GPM6B: variants seen among roughly 807,000 people sequenced by gnomAD.
GPM6B encodes the protein neuronal membrane glycoprotein M6-b.
A neutral mutation model predicts 27.2 loss-of-function variants in GPM6B; 4 were observed. That is an observed-to-expected ratio of 0.15 (90% confidence interval 0.07 to 0.34). The LOEUF (loss-of-function observed/expected upper bound fraction) is 0.34, where lower values mean the gene tolerates loss of function less well. GPM6B is among the 10% of genes least tolerant of loss of function. The pLI is 1.00. For missense variants in GPM6B, 183 were observed against 261.9 expected, an observed-to-expected ratio of 0.70 and a Z score of 2.08; for synonymous variants, 124 against 103.1, an observed-to-expected ratio of 1.20 and a Z score of -1.23.
upstream of GPM6B, chrX:13,938,497 G>T: frequency 1.1e-6 from 1 of 950,650 alleles, no homozygotes; most frequent in Non-Finnish European, 1.3e-6. Context: ...CAGCCAGCGC[G>T]CTCGCTTACC....
chrX:13,897,086 CTTGTG>C (rs2050240648), intron 1 of GPM6B, among the ~76,000 whole-genome samples: 1 of 112,428 alleles, frequency 8.9e-6, no homozygotes, highest in East Asian at 2.8e-4. Flanking sequence ...TCTGTGTTTG[CTTGTG>C]TTAAGTATAT....
chrX:13,888,903 T>C (rs1264625547), intron 1 of GPM6B: 1 of 112,017 alleles, frequency 8.9e-6, no homozygotes, highest in South Asian at 3.7e-4. Flanking sequence ...AACAGCTCTC[T>C]AGGCCAACTA....
At chrX:13,849,374 T>C (rs16999075) in intron 1 of GPM6B, among the ~76,000 whole-genome samples, 5,125 of 112,467 alleles carry the variant, frequency 0.046, 303 homozygotes, top group African/African-American at 0.15. Context: ...CCCTGTCCCA[T>C]CCATTTTGAC....
At position 13,783,691 on chromosome X, in the gene GPM6B, G is replaced by T. The variant is rs975037398; in HGVS notation, c.369-170C>A. 16 of 468,779 alleles carry T rather than the reference G, an allele frequency of 3.4e-5. No homozygotes were observed. In the African/African-American group the frequency reaches 3.6e-4, roughly 10 times the overall value. 38.6% of individuals were successfully genotyped at this position (468,779 alleles called of 1,213,427 possible). A position where few individuals can be genotyped will look rare whatever the true frequency, so the allele number is the denominator to read the frequency against. ...CATCCTGGGCGGCATCCCTGCCCAT[G>T]TCCCAGCAACCTGGGCCTTCCTTCC... is the stretch of plus-strand genomic sequence containing the variant. On this transcript the variant is annotated intron_variant, in intron 3 of 7. Transcript: ENST00000316715.
intron 1 of GPM6B, among the ~76,000 whole-genome samples, chrX:13,866,621 A>C (rs1256814640): frequency 9.0e-6 from 1 of 111,641 alleles, no homozygotes; most frequent in Admixed American, 9.5e-5. Flanking sequence ...AAATATGTAC[A>C]ATTATTACAT....
intron 1 of GPM6B, among the ~76,000 whole-genome samples, chrX:13,815,470 A>T (rs751878391): frequency 2.7e-5 from 3 of 109,399 alleles, no homozygotes. Context: ...TTTTTTTTTT[A>T]AAGACACACA....
chrX:13,804,206 C>T (rs1204695782), intron 2 of GPM6B, among the ~76,000 whole-genome samples: 1 of 111,613 alleles, frequency 9.0e-6, no homozygotes, highest in East Asian at 2.8e-4. Context: ...TGGTCCACAG[C>T]CCGCACTTGG....
intron 1 of GPM6B, among the ~76,000 whole-genome samples, chrX:13,837,188 G>T (rs1239848264): frequency 4.7e-5 from 5 of 105,296 alleles, no homozygotes; most frequent in Non-Finnish European, 9.8e-5. Flanking sequence ...AGCTTTGAAG[G>T]GATATGTATC....
Position 13,927,165 on chromosome X carries a change from TA to T in GPM6B, c.-198+11161del, listed in dbSNP as rs11412427. Among the ~76,000 whole-genome samples, 11 of 102,673 alleles carry T rather than the reference TA, an allele frequency of 1.1e-4. No individual in the cohort carries two copies. In the East Asian group the frequency reaches 1.6e-3, roughly 14 times the overall value. 89.2% of individuals were successfully genotyped at this position (102,673 alleles called of 115,157 possible). ...TCAACCTCTCTAGAGAAATTCAACA[TA>T]AAAAAAAAAACAATGAAATACCACT... is the stretch of plus-strand genomic sequence containing the variant. On this transcript the variant is annotated intron_variant, in intron 1 of 6. Transcript: ENST00000398361.
intron 5 of GPM6B, among the ~76,000 whole-genome samples, chrX:13,778,075 A>T (rs747594667): frequency 9.9e-6 from 1 of 101,368 alleles, no homozygotes; most frequent in Non-Finnish European, 2.0e-5. Context: ...TTTTTGAGAC[A>T]GTCTTGCTCT....
intron 2 of GPM6B, among the ~76,000 whole-genome samples, chrX:13,802,518 A>G (rs12010882): frequency 0.034 from 3,615 of 105,149 alleles, 68 homozygotes; most frequent in East Asian, 0.12. Context: ...ACTTATATCG[A>G]TAAGTATTTG....
At chrX:13,898,521 GCAATTT>G (rs1342555296) in intron 1 of GPM6B, among the ~76,000 whole-genome samples, 1 of 112,189 alleles carries the variant, frequency 8.9e-6, no homozygotes, top group Non-Finnish European at 1.9e-5. Context: ...ATGAGAATCT[GCAATTT>G]AACAAGATTC....
At chrX:13,820,125 G>A (rs577785262), upstream of GPM6B, among the ~76,000 whole-genome samples, 5 of 111,674 alleles carry the variant, frequency 4.5e-5, no homozygotes, top group African/African-American at 1.6e-4. Context: ...AGAGCTGATC[G>A]TGCTTTACAA....
intron 1 of GPM6B, among the ~76,000 whole-genome samples, chrX:13,933,836 A>T (rs1007251960): frequency 1.2e-4 from 13 of 112,225 alleles, no homozygotes; most frequent in African/African-American, 4.2e-4. Context: ...GCTGAAAATC[A>T]GAAGCCAATG....
At chrX:13,810,196 T>C (rs1477857155) in intron 1 of GPM6B, among the ~76,000 whole-genome samples, 1 of 111,477 alleles carries the variant, frequency 9.0e-6, no homozygotes, top group Non-Finnish European at 1.9e-5. Flanking sequence ...CTCTCAGAAA[T>C]AGATGTTGCT....
chrX:13,783,723 G>A, intron 3 of GPM6B: 1 of 461,070 alleles, frequency 2.2e-6, no homozygotes, highest in Non-Finnish European at 3.9e-6. Flanking sequence ...TTCCAAGGTG[G>A]GAATGATGTT....
chrX:13,828,065 A>G (rs968287211), intron 1 of GPM6B, among the ~76,000 whole-genome samples: 1 of 111,319 alleles, frequency 9.0e-6, no homozygotes, highest in African/African-American at 3.3e-5. Context: ...CTCATGTCAC[A>G]ATGATCTGAG....
At chrX:13,806,112 ATC>A (rs2049017795) in intron 2 of GPM6B, among the ~76,000 whole-genome samples, 1 of 111,678 alleles carries the variant, frequency 9.0e-6, no homozygotes, top group Non-Finnish European at 1.9e-5. Context: ...CATCGCCACA[ATC>A]TAATTTTAGA....
In GPM6B at chrX:13,782,776, A is replaced by G. The variant is rs920397842; in HGVS notation, c.525+589T>C. 1.4e-3 allele frequency among the ~76,000 whole-genome samples: 144 copies of G among 105,782 alleles called. 2 individuals are homozygous for G. Among genetic ancestry groups the G allele is most frequent in the African/African-American group, 5.1e-3 (143 of 27,963 alleles). The allele number at this position is 105,782 out of a possible 115,157, so 91.9% of individuals were successfully genotyped here. Reference sequence around the variant, plus strand: ...CCGTCTCAAAAAAAAAAAAAAAAGAAAAAAAAAAAAATTCTTGGCTCTTGA... The same window carrying G: ...CCGTCTCAAAAAAAAAAAAAAAAGAGAAAAAAAAAAATTCTTGGCTCTTGA... On this transcript the variant is annotated intron_variant, in intron 4 of 7. Transcript: ENST00000316715.
Sources: allele counts gnomAD v4.1 joint callset (sites outside exome capture counted in the v4.1 genomes callset), GRCh38; gene constraint gnomAD v4.1.1; transcripts MANE v1.5; gene names NCBI Gene and HGNC (gene_info 2026-07-23, HGNC 2026-07-21).